Variants in RPS6KC1 observed in about 807,000 individuals in gnomAD.
RPS6KC1 encodes ribosomal protein S6 kinase C1, also known as inactive ribosomal protein S6 kinase delta-1.
A neutral mutation model predicts 103.8 loss-of-function variants in RPS6KC1; 54 were observed. The ratio of observed to expected loss-of-function variants is 0.52; its 90% CI spans 0.42 to 0.65. The LOEUF is 0.65. Among genes scored for constraint, RPS6KC1 ranks in the 30% least tolerant of loss-of-function variants. RPS6KC1 has a pLI of 0.00. For synonymous variants in RPS6KC1, 439 were observed against 438.7 expected (o/e 1.00, Z -0.01); for missense variants, 1,151 against 1,253.8 (o/e 0.92, Z 1.24).
At chr1:213,068,911 G>A (rs867362370) in intron 1 of RPS6KC1, among the ~76,000 whole-genome samples, 2,486 of 105,232 alleles carry the variant, frequency 0.024, 41 homozygotes, top group Middle Eastern at 0.047. Context: ...GTGTGTGTGT[G>A]TGTATGCCGA....
At chr1:213,318,645 G>A in the RPS6KC1 span, among the ~76,000 whole-genome samples, 1 of 152,300 alleles carries the variant, frequency 6.6e-6, no homozygotes, top group Admixed American at 6.5e-5. Flanking sequence ...GCAAGTGGAA[G>A]GCAAGGAGGA....
the RPS6KC1 span, among the ~76,000 whole-genome samples, chr1:213,440,593 T>TAA: frequency 0.41 from 41,058 of 100,040 alleles, 8,291 homozygotes; most frequent in East Asian, 0.53. Context: ...TTAATGGAAC[T>TAA]AAAAAAAAAA....
the RPS6KC1 span, among the ~76,000 whole-genome samples, chr1:213,575,259 A>G: frequency 6.6e-6 from 1 of 152,134 alleles, no homozygotes; most frequent in African/African-American, 2.4e-5. Flanking sequence ...GGCACTTGCT[A>G]TGTCCATGTT....
At chr1:213,452,346 A>G in the RPS6KC1 span, among the ~76,000 whole-genome samples, 1 of 151,930 alleles carries the variant, frequency 6.6e-6, no homozygotes, top group Non-Finnish European at 1.5e-5. Context: ...AAAAAAAAAA[A>G]AAAGGAACAT....
chr1:213,138,340 G>T (rs1319748390), intron 6 of RPS6KC1, among the ~76,000 whole-genome samples: 1 of 151,778 alleles, frequency 6.6e-6, no homozygotes, highest in Non-Finnish European at 1.5e-5. Flanking sequence ...GTCTTTTGGG[G>T]CCATTTTCTT....
intron 1 of RPS6KC1, among the ~76,000 whole-genome samples, chr1:213,055,572 TG>T (rs1444756144): frequency 2.0e-5 from 3 of 152,254 alleles, no homozygotes; most frequent in Non-Finnish European, 2.9e-5. Context: ...TTATTTCTCA[TG>T]ATACCACATG....
chr1:213,647,674 A>G, the RPS6KC1 span, among the ~76,000 whole-genome samples: 3 of 152,226 alleles, frequency 2.0e-5, no homozygotes, highest in South Asian at 4.1e-4. Flanking sequence ...TGGGTAATCT[A>G]TTAATCCAAA....
the RPS6KC1 span, among the ~76,000 whole-genome samples, chr1:213,514,395 A>G: frequency 5.1e-4 from 50 of 97,326 alleles, no homozygotes; most frequent in African/African-American, 2.0e-3. Flanking sequence ...CCCACCCCAC[A>G]ACAGGCCCCG....
At chr1:213,278,087 C>T (rs1232700196), downstream of RPS6KC1, among the ~76,000 whole-genome samples, 1 of 151,870 alleles carries the variant, frequency 6.6e-6, no homozygotes. Context: ...AACCTATAGT[C>T]CCAGCTACTT....
chr1:213,783,396 G>C, the RPS6KC1 span, among the ~76,000 whole-genome samples: 1 of 152,154 alleles, frequency 6.6e-6, no homozygotes, highest in Non-Finnish European at 1.5e-5. Flanking sequence ...GCTGCTACAA[G>C]CCGAACCCTC....
At chr1:213,484,747 C>A in the RPS6KC1 span, among the ~76,000 whole-genome samples, 2 of 152,134 alleles carry the variant, frequency 1.3e-5, no homozygotes, top group African/African-American at 4.8e-5. Context: ...AGAAGCAGAT[C>A]CTGAAGAAAG....
the RPS6KC1 span, among the ~76,000 whole-genome samples, chr1:213,378,999 A>C: frequency 6.6e-6 from 1 of 152,158 alleles, no homozygotes; most frequent in Non-Finnish European, 1.5e-5. Context: ...CTAGGGGAGA[A>C]GTGTGGCAGT....
chr1:213,601,925 C>A, the RPS6KC1 span, among the ~76,000 whole-genome samples: 1 of 141,874 alleles, frequency 7.0e-6, no homozygotes, highest in African/African-American at 2.6e-5. Flanking sequence ...CCCTCCCTCC[C>A]TCCCTTCCTT....
chr1:213,373,663 A>G, the RPS6KC1 span, among the ~76,000 whole-genome samples: 1 of 152,370 alleles, frequency 6.6e-6, no homozygotes, highest in South Asian at 2.1e-4. Flanking sequence ...ATAAAACCAG[A>G]TATCCATACA....
the RPS6KC1 span, among the ~76,000 whole-genome samples, chr1:213,627,341 C>G: frequency 2.6e-5 from 4 of 152,170 alleles, no homozygotes; most frequent in African/African-American, 9.7e-5. Context: ...ATGGGGTTTT[C>G]TAGATATACA....
chr1:213,099,994 C>T (rs1453855897), intron 3 of RPS6KC1, among the ~76,000 whole-genome samples: 3 of 152,114 alleles, frequency 2.0e-5, no homozygotes, highest in Non-Finnish European at 4.4e-5. Flanking sequence ...AATATAATTT[C>T]TGGATCATAA....
the RPS6KC1 span, among the ~76,000 whole-genome samples, chr1:213,598,324 C>G: frequency 6.6e-6 from 1 of 152,164 alleles, no homozygotes; most frequent in Non-Finnish European, 1.5e-5. Flanking sequence ...TCTTTCTGTG[C>G]AAAGTCGCTC....
At chr1:213,605,427 G>A in the RPS6KC1 span, among the ~76,000 whole-genome samples, 2 of 152,172 alleles carry the variant, frequency 1.3e-5, no homozygotes, top group Non-Finnish European at 2.9e-5. Flanking sequence ...TGAAAATTCA[G>A]CTTTGTGGAT....
chr1:213,406,445 A>G, the RPS6KC1 span, among the ~76,000 whole-genome samples: 1 of 152,050 alleles, frequency 6.6e-6, no homozygotes, highest in Middle Eastern at 3.4e-3. Flanking sequence ...TGAACATGTG[A>G]CTAGCCACAT....
Sources: allele counts gnomAD v4.1 joint callset (sites outside exome capture counted in the v4.1 genomes callset), GRCh38; gene constraint gnomAD v4.1.1; transcripts MANE v1.5; gene names NCBI Gene and HGNC (gene_info 2026-07-23, HGNC 2026-07-21).